Variants in FSTL4 observed in about 807,000 individuals in gnomAD.
The protein encoded by FSTL4 is follistatin-related protein 4.
FSTL4 carries 28 observed loss-of-function variants against 78.2 expected under a neutral mutation model. That is an observed-to-expected ratio of 0.36 (90% CI 0.27 to 0.49). The LOEUF is 0.49. FSTL4 is among the 20% of genes least tolerant of loss of function. The pLI is 0.98. For synonymous variants in FSTL4, 422 were observed against 440.5 expected, an observed-to-expected ratio of 0.96 and a Z score of 0.53; for missense variants, 922 against 1,084.9, an observed-to-expected ratio of 0.85 and a Z score of 2.11.
intron 3 of FSTL4, among the ~76,000 whole-genome samples, chr5:133,422,274 C>T (rs573169823): frequency 2.1e-4 from 32 of 152,112 alleles, no homozygotes; most frequent in African/African-American, 7.0e-4. Context: ...GAGAGTGGTA[C>T]GATATGATCT....
At chr5:133,764,492 A>C in the FSTL4 span, among the ~76,000 whole-genome samples, 1 of 152,214 alleles carries the variant, frequency 6.6e-6, no homozygotes, top group Admixed American at 6.5e-5. Flanking sequence ...GCCATAGGCA[A>C]GCCAAAGAAT....
the FSTL4 span, among the ~76,000 whole-genome samples, chr5:133,792,303 T>A: frequency 2.6e-5 from 4 of 152,282 alleles, no homozygotes; most frequent in Non-Finnish European, 5.9e-5. Flanking sequence ...AGAACAATGA[T>A]ACATTTGCTA....
the FSTL4 span, among the ~76,000 whole-genome samples, chr5:133,830,082 C>A: frequency 6.6e-6 from 1 of 152,178 alleles, no homozygotes; most frequent in Middle Eastern, 3.2e-3. Context: ...GACATGCAGG[C>A]CCCAGTGACA....
intron 3 of FSTL4, among the ~76,000 whole-genome samples, chr5:133,497,496 C>T (rs1758392174): frequency 6.6e-6 from 1 of 152,130 alleles, no homozygotes; most frequent in African/African-American, 2.4e-5. Context: ...GCCTCTGCAT[C>T]CCCTTCAGCC....
At chr5:133,328,240 G>A (rs560760870) in intron 4 of FSTL4, among the ~76,000 whole-genome samples, 30 of 152,294 alleles carry the variant, frequency 2.0e-4, no homozygotes, top group African/African-American at 7.2e-4. Flanking sequence ...ACCTGAATAC[G>A]CAGACAATGC....
the FSTL4 span, among the ~76,000 whole-genome samples, chr5:133,825,178 G>T: frequency 2.6e-5 from 4 of 152,126 alleles, no homozygotes; most frequent in Admixed American, 2.6e-4. Flanking sequence ...CAGGCCTCAG[G>T]TCTCCCTACT....
the FSTL4 span, among the ~76,000 whole-genome samples, chr5:133,828,997 G>A: frequency 3.9e-5 from 6 of 152,302 alleles, no homozygotes; most frequent in East Asian, 9.6e-4. Context: ...GGAAACACAC[G>A]GCAGAGCCTC....
chr5:133,610,143 A>G (rs575154795), intron 1 of FSTL4, among the ~76,000 whole-genome samples: 2 of 152,360 alleles, frequency 1.3e-5, no homozygotes, highest in South Asian at 4.1e-4. Context: ...GTAAAAGGAA[A>G]AAAAGTCCTC....
the FSTL4 span, among the ~76,000 whole-genome samples, chr5:133,801,943 T>C: frequency 6.6e-6 from 1 of 152,130 alleles, no homozygotes; most frequent in Non-Finnish European, 1.5e-5. Flanking sequence ...ACTCCTTTCA[T>C]CTCATCAAGA....
At chr5:133,491,156 A>G (rs1288821068) in intron 3 of FSTL4, among the ~76,000 whole-genome samples, 1 of 152,230 alleles carries the variant, frequency 6.6e-6, no homozygotes, top group Non-Finnish European at 1.5e-5. Context: ...TGTTTGCTTG[A>G]CATCATTTTA....
intron 1 of FSTL4, among the ~76,000 whole-genome samples, chr5:133,610,532 C>T (rs1344202443): frequency 1.3e-5 from 2 of 152,222 alleles, no homozygotes; most frequent in African/African-American, 4.8e-5. Context: ...CTCCTTCTCA[C>T]AACGCTAAGA....
intron 5 of FSTL4, among the ~76,000 whole-genome samples, chr5:133,314,576 C>T (rs1329525896): frequency 6.6e-6 from 1 of 151,982 alleles, no homozygotes; most frequent in Non-Finnish European, 1.5e-5. Flanking sequence ...CCATGTGGTG[C>T]CTCTTGGTGG....
At chr5:133,829,340 C>A in the FSTL4 span, among the ~76,000 whole-genome samples, 1 of 152,060 alleles carries the variant, frequency 6.6e-6, no homozygotes, top group Non-Finnish European at 1.5e-5. Flanking sequence ...GAGCTGAGAT[C>A]GCGCCACTGC....
At chr5:133,807,626 G>A in the FSTL4 span, among the ~76,000 whole-genome samples, 1 of 152,226 alleles carries the variant, frequency 6.6e-6, no homozygotes, top group African/African-American at 2.4e-5. Flanking sequence ...CCAGCAAAGA[G>A]CTGTAGGTAT....
chr5:133,267,342 G>C (rs1019566204), intron 6 of FSTL4, among the ~76,000 whole-genome samples: 6 of 152,202 alleles, frequency 3.9e-5, no homozygotes, highest in African/African-American at 1.4e-4. Flanking sequence ...CAGGACCCAT[G>C]AGAGGGCCTG....
At chr5:133,471,067 C>A (rs1400378537) in intron 3 of FSTL4, among the ~76,000 whole-genome samples, 1 of 152,034 alleles carries the variant, frequency 6.6e-6, no homozygotes, top group African/African-American at 2.4e-5. Context: ...GCTGAAGGAC[C>A]CACAAAAGGA....
the FSTL4 span, among the ~76,000 whole-genome samples, chr5:133,788,578 A>C: frequency 6.6e-6 from 1 of 152,164 alleles, no homozygotes; most frequent in Non-Finnish European, 1.5e-5. Flanking sequence ...TGGCTTCTCC[A>C]AGTCCAGCCT....
At chr5:133,798,475 T>G in the FSTL4 span, among the ~76,000 whole-genome samples, 1 of 151,742 alleles carries the variant, frequency 6.6e-6, no homozygotes, top group Non-Finnish European at 1.5e-5. Flanking sequence ...TGGACATGGT[T>G]TTATGTTAGC....
At chr5:133,344,425 C>T (rs1754653579) in intron 4 of FSTL4, among the ~76,000 whole-genome samples, 1 of 152,098 alleles carries the variant, frequency 6.6e-6, no homozygotes, top group African/African-American at 2.4e-5. Context: ...GATGATGTAA[C>T]CCTCATCCAT....
Sources: gnomAD v4.1 joint callset for allele counts (sites outside exome capture counted in the v4.1 genomes callset) on GRCh38, gnomAD v4.1.1 for gene constraint, MANE v1.5 for transcripts, NCBI Gene and HGNC (gene_info 2026-07-23, HGNC 2026-07-21) for gene names.